PALM3: variants seen among roughly 807,000 people sequenced by gnomAD.
The protein encoded by PALM3 is paralemmin-3.
Under a neutral mutation model 27.9 loss-of-function variants are expected in PALM3, and 20 were observed. The observed-to-expected ratio is 0.72, with a 90% CI of 0.50 to 1.04. The LOEUF (loss-of-function observed/expected upper bound fraction) is 1.04. PALM3 is among the 50% of genes least tolerant of loss of function. The probability of loss-of-function intolerance (pLI) is 0.00; values close to 1 mark genes in which losing one functional copy is unlikely to be tolerated. For synonymous variants in PALM3, 328 were observed against 352.7 expected (o/e 0.93, Z 0.79); for missense variants, 814 against 869.4 (o/e 0.94, Z 0.80).
Position 14,055,382 on chromosome 19 carries a change from A to G in PALM3, c.443T>C (p.Val148Ala). 3 of 1,547,616 alleles carry G rather than the reference A, an allele frequency of 1.9e-6. No homozygotes were observed. In the South Asian group the frequency reaches 3.6e-5, roughly 18 times the overall value. ...GACCTAGGGGCTCCCACACTTACCTACAGAACCTGCCTCGACAATGGACTG... is the reference window on the plus strand; with the variant it reads ...GACCTAGGGGCTCCCACACTTACCTGCAGAACCTGCCTCGACAATGGACTG... Reference protein sequence around the residue: ...LSQSIVEAGSVGQTDLNKRAS... With the variant: ...LSQSIVEAGSAGQTDLNKRAS... The change falls in exon 6 of 7, where the codon GTA (valine) becomes GCA (alanine). Residue 148 changes from valine (V) to alanine (A), a missense_variant and splice_region_variant. Val to Ala is a moderately conservative substitution (Grantham distance 64). Coordinates refer to ENST00000669674, the MANE Select transcript of PALM3 (RefSeq NM_001145028.2).
chr19:14,058,475 G>T (rs1976358144), intron 2 of PALM3, among the ~76,000 whole-genome samples: 4 of 151,892 alleles, frequency 2.6e-5, no homozygotes, highest in Middle Eastern at 3.4e-3. Context: ...CAGAGATGGG[G>T]ATCAAAAGGA....
rs1976335819 is a variant in PALM3 at position 14,057,728 on chromosome 19, G to C, written c.91-297C>G. 2.7e-5 allele frequency: 4 copies of C among 150,300 alleles called. No individual in the cohort carries two copies. The South Asian group carries it at 9.1e-4, about 34-fold the overall frequency. The allele number at this position is 150,300 out of a possible 1,614,324, so 9.3% of individuals were successfully genotyped here. A position where few individuals can be genotyped will look rare whatever the true frequency, so the allele number is the denominator to read the frequency against. On this transcript the variant is annotated intron_variant, in intron 2 of 6. Transcript: ENST00000669674. ...CAATGGGGGTCTGTGGATGGGGGGT[G>C]TAGGGGGTGGGGCCTTGGGACAGCT...
At chr19:14,061,765 C>A (rs1195399890) in intron 1 of PALM3, among the ~76,000 whole-genome samples, 175 bp downstream of exon 1, 2 of 150,406 alleles carry the variant, frequency 1.3e-5, no homozygotes, top group Non-Finnish European at 3.0e-5. Flanking sequence ...CCCCTTGACT[C>A]TTTAAGGAAG....
rs765230261 is a variant in PALM3, at chr19:14,054,581, A to T, written c.1091T>A (p.Leu364His). 12 of 1,551,470 alleles carry T rather than the reference A, an allele frequency of 7.7e-6. No individual in the cohort carries two copies. Among genetic ancestry groups the T allele is most frequent in the African/African-American group, 1.4e-5 (1 of 72,878 alleles). ...GSFIWVERVT[L>H]SEEWEELLVE... is the part of the protein sequence containing the mutation. The stretch of plus-strand genomic sequence containing the variant: ...CAGCAGCTCCTCCCACTCTTCACTG[A>T]GGGTCACTCTCTCCACCCAAATGAA... The change falls in exon 7 of 7, where the codon CTC becomes CAC. Residue 364 changes from leucine to histidine, a missense_variant. By Grantham distance (99) the Leu-to-His change is moderately conservative (BLOSUM62 -3). Transcript: ENST00000669674.
Position 14,053,728 on chromosome 19 carries a change from G to T in PALM3, c.1944C>A (p.Asn648Lys). 5 of 1,527,218 alleles carry T rather than the reference G, an allele frequency of 3.3e-6. No individual in the cohort carries two copies. The highest frequency in any genetic ancestry group is 4.4e-6 in the Non-Finnish European group (5 of 1,136,042). The allele number at this position is 1,527,218 out of a possible 1,614,324, so 94.6% of individuals were successfully genotyped here. ...AGGTGGGCACAGGGTGGGCACTGGG[G>T]TTGGCGCTGGGCCCCTCCCCCTGAA... ...PLLQGEGPSA[N>K]PSAHPVPTYA... Residue 648 changes from asparagine (N) to lysine (K), a missense_variant, in exon 7 of 7, where the codon AAC (asparagine) becomes AAA (lysine). Coordinates refer to ENST00000669674, the MANE Select transcript of PALM3 (RefSeq NM_001145028.2).
Position 14,056,721 on chromosome 19 carries a change from G to C in PALM3, c.255C>G (p.Pro85=), listed in dbSNP as rs1424581415. The change falls in exon 4 of 7, where the codon CCC becomes CCG. Residue 85 remains proline, a synonymous_variant. Coordinates refer to ENST00000669674, the MANE Select transcript of PALM3 (RefSeq NM_001145028.2). ...EPSEDPTSKD[P]QSPEGQAQAR... is the part of the protein sequence containing the mutation. Reference sequence around the variant, plus strand: ...CCTGAGCCTGGCCCTCGGGTGACTGGGGGTCCTTCGAGGTGGGGTCTTCGG... The same window carrying C: ...CCTGAGCCTGGCCCTCGGGTGACTGCGGGTCCTTCGAGGTGGGGTCTTCGG... 2 of 1,551,636 alleles carry C rather than the reference G, an allele frequency of 1.3e-6. No individual in the cohort carries two copies. Among genetic ancestry groups the C allele is most frequent in the African/African-American group, 1.4e-5 (1 of 73,052 alleles).
rs755834447 is a variant in PALM3, at chr19:14,056,649, G to C, written c.314+13C>G. 2.4e-5 allele frequency: 38 copies of C among 1,551,654 alleles called. No individual in the cohort carries two copies. The South Asian group carries it at 4.4e-4, about 18-fold the overall frequency. On this transcript the variant is annotated intron_variant, in intron 4 of 6. Transcript: ENST00000669674. ...GGGCAGGGTTCGGGCAGAGCTAGAAGGTCTCCACTCACGTGAACAAACTGT... is the reference window on the plus strand; with the variant it reads ...GGGCAGGGTTCGGGCAGAGCTAGAACGTCTCCACTCACGTGAACAAACTGT...
Position 14,056,436 on chromosome 19 carries a change from C to A in PALM3, c.392G>T (p.Arg131Leu), listed in dbSNP as rs140089464. ...QHKPSGRPSW[R>L]RQGHRPLSQS... ...CCCTGATTCCCCCCTCACCTGTCTG[C>A]GCCAGCTGGGCCTGCCTGAGGGCTT... Residue 131 changes from arginine to leucine, a missense_variant, in exon 5 of 7, where the codon CGC becomes CTC. Transcript: ENST00000669674. 6.4e-7 allele frequency: 1 copy of A among 1,550,844 alleles called. No homozygotes were observed. Among genetic ancestry groups the A allele is most frequent in the South Asian group, 1.2e-5 (1 of 84,034 alleles).
chr19:14,058,251 CA>C (rs1289825054), intron 2 of PALM3, among the ~76,000 whole-genome samples: 2 of 101,032 alleles, frequency 2.0e-5, no homozygotes, highest in African/African-American at 8.1e-5. Context: ...AGATGGGGTA[CA>C]GAAGTGGGGT....
At position 14,055,819 on chromosome 19, in the gene PALM3, C is replaced by T. The variant is rs181001521; in HGVS notation, c.400-394G>A. 4.1e-3 allele frequency among the ~76,000 whole-genome samples: 624 copies of T among 152,212 alleles called. 2 individuals are homozygous for T. Among genetic ancestry groups the T allele is most frequent in the Middle Eastern group, 0.01 (3 of 294 alleles). On this transcript the variant is annotated intron_variant, in intron 5 of 6. Transcript: ENST00000669674. ...AGGCTGGAGTGCAGTGGCGTAATCT[C>T]GGCTCACTGCAACGTTCGCCTCCTG...
chr19:14,057,451 A>G lies in PALM3; in HGVS notation c.91-20T>C. The G allele has an allele frequency of 6.6e-7, 1 of 1,511,164 alleles. No individual in the cohort carries two copies. Among genetic ancestry groups the G allele is most frequent in the Non-Finnish European group, 8.9e-7 (1 of 1,128,538 alleles). The allele number at this position is 1,511,164 out of a possible 1,614,324, so 93.6% of individuals were successfully genotyped here. On this transcript the variant is annotated intron_variant, in intron 2 of 6. Transcript: ENST00000669674. ...CTTCTCCTGCGCACAGAGGACCCGG[A>G]GCTGCCCGCCGGCCGGGCGCGGCCT...
chr19:14,059,406 C>T (rs1297528946), intron 1 of PALM3, among the ~76,000 whole-genome samples: 1 of 152,058 alleles, frequency 6.6e-6, no homozygotes, highest in Non-Finnish European at 1.5e-5. Context: ...TCAGTTTCCT[C>T]ATCTGTAAGA....
chr19:14,055,866 T>G (rs1976295647), intron 5 of PALM3, among the ~76,000 whole-genome samples: 1 of 152,152 alleles, frequency 6.6e-6, no homozygotes, highest in South Asian at 2.1e-4. Context: ...TTTCCCTGTC[T>G]CAGCCTCCCT....
chr19:14,057,266 G>A, intron 3 of PALM3, 85 bp downstream of exon 3: 3 of 981,224 alleles, frequency 3.1e-6, no homozygotes, highest in Non-Finnish European at 4.2e-6. Context: ...TTGGACAGAG[G>A]CTCCTATCGT....
intron 3 of PALM3, 46 bp downstream of exon 3, chr19:14,057,305 C>T: frequency 6.9e-7 from 1 of 1,453,990 alleles, no homozygotes; most frequent in Non-Finnish European, 9.3e-7. Flanking sequence ...CAGACACCCC[C>T]CACTCCATTC....
chr19:14,054,717 G>A lies in PALM3; in HGVS notation c.955C>T (p.Pro319Ser). 1.3e-6 allele frequency: 2 copies of A among 1,551,626 alleles called. No homozygotes were observed. The highest frequency in any genetic ancestry group is 1.2e-5 in the South Asian group (1 of 84,062). ...GCCTCTAATCTCTCCTGGAGCCTAG[G>A]CGAGCTAGTCTGCACGACCTCAGGG... ...RVPEVVQTSSPRLQERLEAAA... is the reference protein window; with the variant it reads ...RVPEVVQTSSSRLQERLEAAA... The change falls in exon 7 of 7, where the codon CCT (proline) becomes TCT (serine). Residue 319 changes from proline (P) to serine (S), a missense_variant. By Grantham distance (74) the Pro-to-Ser change is moderately conservative. Coordinates refer to ENST00000669674, the MANE Select transcript of PALM3 (RefSeq NM_001145028.2).
intron 5 of PALM3, 79 bp downstream of exon 5, chr19:14,056,350 C>A: frequency 7.2e-7 from 1 of 1,389,258 alleles, no homozygotes. Flanking sequence ...TTGGAGAAAG[C>A]TGCATTCCTG....
In PALM3 at chr19:14,054,352, CCT is replaced by C; in HGVS notation, c.1318_1319del (p.Arg440GlufsTer26). The C allele has an allele frequency of 6.4e-7, 1 of 1,552,270 alleles. No individual in the cohort carries two copies. Among genetic ancestry groups the C allele is most frequent in the East Asian group, 2.4e-5 (1 of 40,910 alleles). ...DEAEMSPVVE[R>X]KGGEKKLELE... Reference sequence around the variant, plus strand: ...GCTCCAACTTCTTCTCTCCTCCTTTCCTCTCTACCACTGGTGACATCTCCGCT... The same window carrying C: ...GCTCCAACTTCTTCTCTCCTCCTTTCCTCTACCACTGGTGACATCTCCGCT... On this transcript the variant is annotated frameshift_variant, in exon 7 of 7. Coordinates refer to ENST00000669674, the MANE Select transcript of PALM3 (RefSeq NM_001145028.2). LOFTEE classifies it low-confidence loss of function (END_TRUNC).
At chr19:14,058,498 G>C (rs1256774746) in intron 2 of PALM3, among the ~76,000 whole-genome samples, 1 of 151,820 alleles carries the variant, frequency 6.6e-6, no homozygotes, top group Non-Finnish European at 1.5e-5. Flanking sequence ...ATGCTAGTGA[G>C]TAGTGAGATG....
Sources: allele counts gnomAD v4.1 joint callset (sites outside exome capture counted in the v4.1 genomes callset), GRCh38; gene constraint gnomAD v4.1.1; transcripts MANE v1.5; gene names NCBI Gene and HGNC (gene_info 2026-07-23, HGNC 2026-07-21).